The following FBXL20 variants were observed in gnomAD, a reference collection of about 807,000 sequenced individuals.
FBXL20 encodes F-box and leucine rich repeat protein 20.
Under a neutral mutation model 64.0 loss-of-function variants are expected in FBXL20, and 11 were observed. That is an observed-to-expected ratio of 0.17 (90% CI 0.11 to 0.28). The LOEUF (loss-of-function observed/expected upper bound fraction) is 0.28, where lower values mean the gene tolerates loss of function less well. FBXL20 is among the 10% of genes least tolerant of loss of function. The pLI, the probability that FBXL20 is intolerant of heterozygous loss-of-function variation, is 1.00. For synonymous variants in FBXL20, 184 were observed against 189.0 expected, an observed-to-expected ratio of 0.97 and a Z score of 0.22; for missense variants, 303 against 526.2, an observed-to-expected ratio of 0.58 and a Z score of 4.15.
At chr17:39,344,866 T>C (rs192183728) in intron 1 of FBXL20, among the ~76,000 whole-genome samples, 137 of 152,348 alleles carry the variant, frequency 9.0e-4, no homozygotes, top group African/African-American at 3.1e-3. Context: ...CAGTGCTTCA[T>C]AACTGCCACC....
At chr17:39,370,273 C>T (rs2047903323) in intron 1 of FBXL20, among the ~76,000 whole-genome samples, 1 of 133,582 alleles carries the variant, frequency 7.5e-6, no homozygotes, top group African/African-American at 2.8e-5. Context: ...GGCGGATCAT[C>T]TGAGATCAGG....
At chr17:39,318,180 T>C (rs1191461979) in intron 2 of FBXL20, among the ~76,000 whole-genome samples, 1 of 152,208 alleles carries the variant, frequency 6.6e-6, no homozygotes, top group Non-Finnish European at 1.5e-5. Flanking sequence ...TTATACCATG[T>C]TGTCTACTTT....
At chr17:39,267,488 A>G (rs2046802513) in intron 12 of FBXL20, among the ~76,000 whole-genome samples, 3 of 152,158 alleles carry the variant, frequency 2.0e-5, no homozygotes, top group Admixed American at 2.0e-4. Flanking sequence ...GAATCAGAAG[A>G]TAGTGCAGTG....
chr17:39,378,706 T>C (rs905257861), intron 1 of FBXL20, among the ~76,000 whole-genome samples: 2 of 151,324 alleles, frequency 1.3e-5, no homozygotes, highest in Non-Finnish European at 2.9e-5. Flanking sequence ...GTCTCTTGGG[T>C]TCACGCCATT....
At chr17:39,357,284 A>G (rs1597817335) in intron 1 of FBXL20, among the ~76,000 whole-genome samples, 1 of 151,636 alleles carries the variant, frequency 6.6e-6, no homozygotes, top group East Asian at 1.9e-4. Context: ...TCAAAAAAAA[A>G]AAAAAAAAAG....
intron 2 of FBXL20, among the ~76,000 whole-genome samples, chr17:39,305,514 G>A (rs542610203): frequency 2.6e-5 from 4 of 152,210 alleles, no homozygotes; most frequent in Admixed American, 2.6e-4. Flanking sequence ...AGACCAGCCT[G>A]GGCAACACAG....
At chr17:39,261,988 C>T (rs1296778847) in intron 14 of FBXL20, among the ~76,000 whole-genome samples, 1 of 151,842 alleles carries the variant, frequency 6.6e-6, no homozygotes, top group Non-Finnish European at 1.5e-5. Flanking sequence ...AGACTGGTCT[C>T]GAACTCCTGA....
intron 2 of FBXL20, 76 bp from the exon 3 acceptor site, chr17:39,303,715 C>G: frequency 7.6e-7 from 1 of 1,317,530 alleles, no homozygotes; most frequent in Non-Finnish European, 1.1e-6. Flanking sequence ...GAGACAGGGT[C>G]TCACTCTGTC....
intron 6 of FBXL20, among the ~76,000 whole-genome samples, chr17:39,295,784 G>GAT (rs10568875): frequency 0.042 from 5,726 of 136,872 alleles, 162 homozygotes; most frequent in Middle Eastern, 0.08. Context: ...CAAATATGGA[G>GAT]ATATATATAT....
intron 1 of FBXL20, among the ~76,000 whole-genome samples, chr17:39,394,031 C>T (rs148760669): frequency 6.6e-5 from 10 of 152,266 alleles, no homozygotes; most frequent in African/African-American, 2.2e-4. Flanking sequence ...GATGCCTTGG[C>T]TCTTCTGAGC....
chr17:39,332,695 C>G (rs1186724402), intron 2 of FBXL20, among the ~76,000 whole-genome samples: 2 of 151,922 alleles, frequency 1.3e-5, no homozygotes. Context: ...GTGCCCGCCA[C>G]CAGGCCTGGC....
At position 39,332,536 on chromosome 17, in the gene FBXL20, C is replaced by T. The variant is rs554398739; in HGVS notation, c.104+10644G>A. Among the ~76,000 whole-genome samples the T allele has an allele frequency of 7.2e-5, 7 of 96,946 alleles. No homozygotes were observed. The East Asian group carries it at 1.0e-3, about 14-fold the overall frequency. 63.6% of individuals were successfully genotyped at this position (96,946 alleles called of 152,430 possible). On this transcript the variant is annotated intron_variant, in intron 2 of 14. Transcript: ENST00000264658. ...CCCCTTTGCTGATTTTTCTTTGTAT[C>T]TTTTTTTTTTTTTTTTTTTTTTTTA...
intron 7 of FBXL20, among the ~76,000 whole-genome samples, chr17:39,284,644 A>G (rs2046973877): frequency 6.6e-6 from 1 of 152,106 alleles, no homozygotes; most frequent in Non-Finnish European, 1.5e-5. Context: ...ATGGCCTCCC[A>G]AAGTGCTGGG....
chr17:39,387,373 G>A (rs1257959205), intron 1 of FBXL20, among the ~76,000 whole-genome samples: 7 of 150,060 alleles, frequency 4.7e-5, no homozygotes, highest in South Asian at 4.2e-4. Flanking sequence ...TCTGTCTCCC[G>A]GGTTCAAGCG....
rs772321112 is a variant in FBXL20 at position 39,261,391 on chromosome 17, G to C, written c.*69C>G. On this transcript the variant is annotated 3_prime_UTR_variant, in exon 15 of 15. Coordinates refer to ENST00000264658, the MANE Select transcript of FBXL20 (RefSeq NM_032875.3). ...CAGAACACTGGGGTTGCTTCCACTG[G>C]AGAGACTCCACGGTAGCTCTAGAAG... 5 of 1,298,174 alleles carry C rather than the reference G, an allele frequency of 3.9e-6. No individual in the cohort carries two copies. The highest frequency in any genetic ancestry group is 5.6e-6 in the Non-Finnish European group (5 of 894,002). 80.4% of individuals were successfully genotyped at this position (1,298,174 alleles called of 1,614,324 possible).
intron 1 of FBXL20, among the ~76,000 whole-genome samples, chr17:39,369,534 G>A (rs192533104): frequency 1.4e-4 from 21 of 152,090 alleles, no homozygotes; most frequent in Middle Eastern, 3.4e-3. Context: ...AGTATTTTTA[G>A]AAGAGACGGG....
intron 2 of FBXL20, among the ~76,000 whole-genome samples, chr17:39,307,999 CTT>C (rs977369651): frequency 6.6e-6 from 1 of 150,560 alleles, no homozygotes; most frequent in Non-Finnish European, 1.5e-5. Flanking sequence ...ATTTAAAAGA[CTT>C]TGTGGACATA....
chr17:39,379,878 C>T (rs2048005717), intron 1 of FBXL20, among the ~76,000 whole-genome samples: 1 of 152,050 alleles, frequency 6.6e-6, no homozygotes, highest in African/African-American at 2.4e-5. Context: ...ACTCAGGAGG[C>T]TGAGGTGGGA....
intron 1 of FBXL20, among the ~76,000 whole-genome samples, chr17:39,387,519 T>TCCA (rs570083683): frequency 7.8e-4 from 118 of 152,078 alleles, no homozygotes; most frequent in African/African-American, 2.7e-3. Flanking sequence ...CCTCAGGTGA[T>TCCA]CTGGCCGTCT....
Sources: allele counts gnomAD v4.1 joint callset (sites outside exome capture counted in the v4.1 genomes callset), GRCh38; gene constraint gnomAD v4.1.1; transcripts MANE v1.5; gene names NCBI Gene and HGNC (gene_info 2026-07-23, HGNC 2026-07-21).